Variants in GALNT16 observed in about 807,000 individuals in gnomAD.
GALNT16 encodes polypeptide N-acetylgalactosaminyltransferase 16, also known as UDP-GalNAc:polypeptide N-acetylgalactosaminyltransferase-like protein 1.
Under a neutral mutation model 76.1 loss-of-function variants are expected in GALNT16, and 40 were observed. The ratio of observed to expected loss-of-function variants is 0.53; its 90% CI spans 0.41 to 0.68. The LOEUF (loss-of-function observed/expected upper bound fraction) is 0.68. Ranked by LOEUF, GALNT16 falls within the 30% of genes least tolerant of loss-of-function variation. The pLI is 0.00. For synonymous variants in GALNT16, 276 were observed against 285.2 expected, an observed-to-expected ratio of 0.97 and a Z score of 0.32; for missense variants, 621 against 731.9, an observed-to-expected ratio of 0.85 and a Z score of 1.75.
the GALNT16 span, among the ~76,000 whole-genome samples, chr14:69,374,610 G>A: frequency 6.6e-6 from 1 of 152,210 alleles, no homozygotes; most frequent in African/African-American, 2.4e-5. Context: ...ACTCAGGTGT[G>A]CAACATTTTG....
At chr14:69,344,993 T>C (rs1185495304) in intron 12 of GALNT16, among the ~76,000 whole-genome samples, 1 of 152,112 alleles carries the variant, frequency 6.6e-6, no homozygotes, top group African/African-American at 2.4e-5. Flanking sequence ...TGGGTAAGGA[T>C]GAGACAATAG....
At chr14:69,281,367 C>T (rs931011816) in intron 1 of GALNT16, among the ~76,000 whole-genome samples, 1 of 152,184 alleles carries the variant, frequency 6.6e-6, no homozygotes, top group Non-Finnish European at 1.5e-5. Flanking sequence ...GACATCTGGG[C>T]TCCTAACCAC....
chr14:69,274,476 C>G (rs932886302), intron 1 of GALNT16, among the ~76,000 whole-genome samples: 3 of 152,102 alleles, frequency 2.0e-5, no homozygotes, highest in African/African-American at 7.2e-5. Flanking sequence ...CTATTGTTAT[C>G]TAAAGGACTG....
At chr14:69,309,872 T>C (rs576770540) in intron 1 of GALNT16, among the ~76,000 whole-genome samples, 7 of 152,336 alleles carry the variant, frequency 4.6e-5, no homozygotes, top group Non-Finnish European at 8.8e-5. Flanking sequence ...TGAAAATAAA[T>C]GAAAAGTGAC....
the GALNT16 span, among the ~76,000 whole-genome samples, chr14:69,369,035 G>C: frequency 1.3e-5 from 2 of 152,152 alleles, no homozygotes; most frequent in African/African-American, 4.8e-5. Flanking sequence ...CCTCACTCTT[G>C]TTGCCTGAGC....
At chr14:69,374,225 A>G in the GALNT16 span, among the ~76,000 whole-genome samples, 1,096 of 152,286 alleles carry the variant, frequency 7.2e-3, 6 homozygotes, top group Non-Finnish European at 9.6e-3. Context: ...TGTCTAGCCT[A>G]GAGTGTGAGT....
In GALNT16 at chr14:69,260,237, G is replaced by T; in HGVS notation, c.-54G>T. 7.7e-7 allele frequency: 1 copy of T among 1,293,438 alleles called. No homozygotes were observed. The highest frequency in any genetic ancestry group is 1.0e-6 in the Non-Finnish European group (1 of 952,892). 80.1% of individuals were successfully genotyped at this position (1,293,438 alleles called of 1,614,324 possible). ...CTGGGGCTGCGAGCGCCCCCGCCCCGGCCCCGAGAGCACGCCGGCCCAGTC... is the reference window on the plus strand; with the variant it reads ...CTGGGGCTGCGAGCGCCCCCGCCCCTGCCCCGAGAGCACGCCGGCCCAGTC... On this transcript the variant is annotated 5_prime_UTR_variant, in exon 1 of 15. Transcript: ENST00000448469.
At chr14:69,331,007 C>G (rs1279355768) in intron 6 of GALNT16, among the ~76,000 whole-genome samples, 1 of 152,042 alleles carries the variant, frequency 6.6e-6, no homozygotes, top group African/African-American at 2.4e-5. Context: ...ATTGGGAAGA[C>G]TCAAACAACT....
At chr14:69,302,323 T>C (rs1475943144) in intron 1 of GALNT16, among the ~76,000 whole-genome samples, 2 of 152,206 alleles carry the variant, frequency 1.3e-5, no homozygotes, top group Non-Finnish European at 2.9e-5. Flanking sequence ...AATAACTGTT[T>C]TTTTAAAAAA....
intron 1 of GALNT16, among the ~76,000 whole-genome samples, chr14:69,275,804 G>C (rs1047548807): frequency 3.9e-5 from 6 of 152,270 alleles, no homozygotes; most frequent in Non-Finnish European, 7.3e-5. Flanking sequence ...TGAGGCTGCA[G>C]TGAGCTATGA....
the GALNT16 span, among the ~76,000 whole-genome samples, chr14:69,380,837 A>C: frequency 6.6e-6 from 1 of 152,238 alleles, no homozygotes; most frequent in Non-Finnish European, 1.5e-5. Context: ...GTACAATCTT[A>C]TAGTGGAAAA....
At chr14:69,348,256 CTTG>C in intron 14 of GALNT16, 1 of 591,866 alleles carries the variant, frequency 1.7e-6, no homozygotes, top group Middle Eastern at 4.5e-4. Flanking sequence ...GACCACTTGT[CTTG>C]TTAACACTGT....
intron 1 of GALNT16, among the ~76,000 whole-genome samples, chr14:69,303,165 G>A (rs1287587932): frequency 6.6e-6 from 1 of 152,166 alleles, no homozygotes; most frequent in Non-Finnish European, 1.5e-5. Context: ...ACAAAGAAAT[G>A]TACCTTCCAC....
chr14:69,275,124 C>T (rs1487922817), intron 1 of GALNT16, among the ~76,000 whole-genome samples: 5 of 152,114 alleles, frequency 3.3e-5, no homozygotes, highest in African/African-American at 4.8e-5. Flanking sequence ...AAGGGGTGAC[C>T]ATAGCAGGTG....
chr14:69,320,905 TGA>T, intron 2 of GALNT16, 37 bp downstream of exon 2: 1 of 1,592,908 alleles, frequency 6.3e-7, no homozygotes, highest in Non-Finnish European at 8.6e-7. Context: ...GAAGAAAGAC[TGA>T]GAGAAAGCCA....
intron 4 of GALNT16, 137 bp downstream of exon 4, chr14:69,325,541 C>T: frequency 1.5e-6 from 1 of 681,746 alleles, no homozygotes; most frequent in Non-Finnish European, 2.7e-6. Context: ...CCTGTCTTTT[C>T]TAGGACCCCT....
intron 1 of GALNT16, among the ~76,000 whole-genome samples, chr14:69,320,149 T>C (rs1395004309): frequency 6.6e-6 from 1 of 152,174 alleles, no homozygotes. Flanking sequence ...GAATGACCAG[T>C]TTAAATCCAG....
chr14:69,271,455 C>A (rs999755490), intron 1 of GALNT16, among the ~76,000 whole-genome samples: 2 of 152,156 alleles, frequency 1.3e-5, no homozygotes, highest in African/African-American at 4.8e-5. Context: ...TCAGAGGAGC[C>A]GGCCCCTGGG....
intron 2 of GALNT16, among the ~76,000 whole-genome samples, chr14:69,321,570 C>T (rs1192869697): frequency 6.6e-6 from 1 of 152,222 alleles, no homozygotes; most frequent in Non-Finnish European, 1.5e-5. Context: ...CCCCGCTCCC[C>T]ATGACCTGGC....
Sources: gnomAD v4.1 joint callset for allele counts (sites outside exome capture counted in the v4.1 genomes callset) on GRCh38, gnomAD v4.1.1 for gene constraint, MANE v1.5 for transcripts, NCBI Gene and HGNC (gene_info 2026-07-23, HGNC 2026-07-21) for gene names.